The following KCNH7 variants were observed in gnomAD, a reference collection of about 807,000 sequenced individuals.
The protein encoded by KCNH7 is potassium voltage-gated channel subfamily H member 7.
In KCNH7, 49 loss-of-function variants were observed where a neutral mutation model predicts 120.8. The observed-to-expected ratio is 0.41, with a 90% confidence interval of 0.32 to 0.51. The LOEUF is 0.51. Among genes scored for constraint, KCNH7 ranks in the 20% least tolerant of loss-of-function variants. The pLI is 0.38. For missense variants in KCNH7, 1,097 were observed against 1,446.6 expected (o/e 0.76, Z 3.92); for synonymous variants, 547 against 516.1 (o/e 1.06, Z -0.81).
intron 2 of KCNH7, among the ~76,000 whole-genome samples, chr2:162,817,896 T>G (rs541161161): frequency 7.6e-4 from 116 of 152,234 alleles, no homozygotes; most frequent in African/African-American, 2.6e-3. Flanking sequence ...CATTACTGAT[T>G]GTAGACACAC....
chr2:162,833,237 A>G (rs1012813854), intron 2 of KCNH7, among the ~76,000 whole-genome samples: 1 of 151,906 alleles, frequency 6.6e-6, no homozygotes, highest in East Asian at 1.9e-4. Context: ...TCCGTGATGT[A>G]CTCCAAACCA....
At position 162,748,258 on chromosome 2, in the gene KCNH7, G is replaced by A. The variant is rs529271865; in HGVS notation, c.307+88279C>T. Among the ~76,000 whole-genome samples, 4 of 152,258 alleles carry A rather than the reference G, an allele frequency of 2.6e-5. No homozygotes were observed. The South Asian group carries it at 8.3e-4, about 32-fold the overall frequency. ...GGGTTTTGTTATGGCTTCTGTGTAT[G>A]TGTCTTAAGTGTCTTCACTGTAGTT... On this transcript the variant is annotated intron_variant, in intron 2 of 15. Transcript: ENST00000332142.
intron 2 of KCNH7, among the ~76,000 whole-genome samples, chr2:162,641,474 C>T (rs555957694): frequency 1.3e-5 from 2 of 152,060 alleles, no homozygotes; most frequent in South Asian, 2.1e-4. Flanking sequence ...CTTTGGGAGG[C>T]TGAGATGGGA....
At chr2:162,797,253 C>G (rs1684179426) in intron 2 of KCNH7, 2 of 152,034 alleles carry the variant, frequency 1.3e-5, no homozygotes, top group East Asian at 3.9e-4. Context: ...TTTGAGCAGT[C>G]AGCCATTTGT....
chr2:162,561,688 T>G (rs545779022), intron 2 of KCNH7, among the ~76,000 whole-genome samples: 17 of 152,316 alleles, frequency 1.1e-4, no homozygotes, highest in African/African-American at 3.4e-4. Flanking sequence ...CATAAATGTC[T>G]TCTTTTGAGA....
intron 7 of KCNH7, among the ~76,000 whole-genome samples, chr2:162,436,927 T>C (rs1037194991): frequency 9.9e-5 from 15 of 151,930 alleles, no homozygotes; most frequent in Non-Finnish European, 7.4e-5. Flanking sequence ...CTGGGCAATA[T>C]AGTGAGACTC....
intron 6 of KCNH7, among the ~76,000 whole-genome samples, chr2:162,468,613 C>T (rs1330779514): frequency 2.0e-5 from 3 of 149,952 alleles, no homozygotes; most frequent in Non-Finnish European, 4.4e-5. Context: ...CTCCGCCTCC[C>T]AGGCTCAAGC....
chr2:162,397,025 T>C (rs542630734), intron 10 of KCNH7, 80 bp from the exon 11 acceptor site: 18 of 921,596 alleles, frequency 2.0e-5, no homozygotes, highest in Non-Finnish European at 2.8e-5. Flanking sequence ...AAGGGGGTCA[T>C]TAAACAATTG....
At chr2:162,834,923 C>T (rs1685603276) in intron 2 of KCNH7, among the ~76,000 whole-genome samples, 1 of 152,034 alleles carries the variant, frequency 6.6e-6, no homozygotes, top group Admixed American at 6.6e-5. Context: ...GATGGACCAA[C>T]ATTCACTGAA....
chr2:162,712,502 A>G (rs914630024), intron 2 of KCNH7, among the ~76,000 whole-genome samples: 5 of 152,196 alleles, frequency 3.3e-5, no homozygotes, highest in Non-Finnish European at 5.9e-5. Context: ...AGAATGGTTC[A>G]GATACAGTTA....
intron 2 of KCNH7, among the ~76,000 whole-genome samples, chr2:162,726,628 C>T (rs1687532741): frequency 6.6e-6 from 1 of 152,094 alleles, no homozygotes; most frequent in South Asian, 2.1e-4. Context: ...CCGTGTTGGC[C>T]AGTCTGGTCT....
At chr2:162,470,280 G>C (rs539753692) in intron 6 of KCNH7, among the ~76,000 whole-genome samples, 3 of 151,746 alleles carry the variant, frequency 2.0e-5, no homozygotes, top group Non-Finnish European at 4.4e-5. Context: ...CTGCCCGCCC[G>C]CCCATCGTCT....
chr2:162,789,997 A>G (rs1181954883), intron 2 of KCNH7, among the ~76,000 whole-genome samples: 2 of 151,952 alleles, frequency 1.3e-5, no homozygotes, highest in East Asian at 3.8e-4. Flanking sequence ...ACTATATTAG[A>G]ACAGAGATAA....
At chr2:162,512,546 G>T in intron 5 of KCNH7, 108 bp downstream of exon 5, 1 of 894,646 alleles carries the variant, frequency 1.1e-6, no homozygotes, top group East Asian at 2.5e-5. Context: ...AATAGCTAAG[G>T]GCAGCATGAA....
rs1574237685 is a variant in KCNH7, at chr2:162,663,831, G to T, written c.308-126751C>A. 2.0e-5 allele frequency among the ~76,000 whole-genome samples: 3 copies of T among 152,158 alleles called. No homozygotes were observed. The East Asian group carries it at 5.8e-4, about 29-fold the overall frequency. On this transcript the variant is annotated intron_variant, in intron 2 of 15. Coordinates refer to ENST00000332142, the MANE Select transcript of KCNH7 (RefSeq NM_033272.4). ...TAAATTGAGCTATGTAAATTGTTTT[G>T]AGTATCAAGGAAAGGTGAAACAGAA... is the stretch of plus-strand genomic sequence containing the variant.
At chr2:162,441,996 C>CTTGTTTTTT (rs1558947048) in intron 7 of KCNH7, among the ~76,000 whole-genome samples, 1 of 14,542 alleles carries the variant, frequency 6.9e-5, no homozygotes, top group Non-Finnish European at 1.7e-4. Flanking sequence ...ATAGTTAGGT[C>CTTGTTTTTT]TTCTTTTTTT....
chr2:162,678,625 G>T (rs1043092047), intron 2 of KCNH7, among the ~76,000 whole-genome samples: 2 of 151,420 alleles, frequency 1.3e-5, no homozygotes, highest in African/African-American at 4.8e-5. Context: ...ATATTCTGGG[G>T]TCTTTTTCTG....
At chr2:162,724,217 C>G (rs1687432481) in intron 2 of KCNH7, among the ~76,000 whole-genome samples, 1 of 152,140 alleles carries the variant, frequency 6.6e-6, no homozygotes, top group Admixed American at 6.5e-5. Context: ...CTCCAATTAT[C>G]TGCCAGGAAT....
At chr2:162,826,226 A>C (rs1395742999) in intron 2 of KCNH7, among the ~76,000 whole-genome samples, 1 of 152,156 alleles carries the variant, frequency 6.6e-6, no homozygotes, top group South Asian at 2.1e-4. Flanking sequence ...ATACATCAGC[A>C]TAATTGCAAG....
Sources: allele counts gnomAD v4.1 joint callset (sites outside exome capture counted in the v4.1 genomes callset), GRCh38; gene constraint gnomAD v4.1.1; transcripts MANE v1.5; gene names NCBI Gene and HGNC (gene_info 2026-07-23, HGNC 2026-07-21).